The following PON3 variants were observed in gnomAD, a reference collection of about 807,000 sequenced individuals.
PON3 encodes the protein paraoxonase 3.
In PON3, 37 loss-of-function variants were observed where a neutral mutation model predicts 36.3. The ratio of observed to expected loss-of-function variants is 1.02; its 90% CI spans 0.78 to 1.34. The LOEUF is 1.34. Ranked by LOEUF, PON3 falls within the 40% of genes most tolerant of loss-of-function variation. PON3 has a pLI of 0.00. For missense variants in PON3, 415 were observed against 426.5 expected (o/e 0.97, Z 0.24); for synonymous variants, 155 against 154.8 (o/e 1.00, Z -0.01).
At chr7:95,371,299 T>G (rs1015861136) in intron 4 of PON3, among the ~76,000 whole-genome samples, 2 of 152,036 alleles carry the variant, frequency 1.3e-5, no homozygotes, top group Non-Finnish European at 2.9e-5. Flanking sequence ...TCAATTCTCT[T>G]GAGCATACAC....
At chr7:95,360,246 G>T in intron 8 of PON3, 115 bp from the exon 9 acceptor site, 1 of 993,776 alleles carries the variant, frequency 1.0e-6, no homozygotes, top group Non-Finnish European at 1.6e-6. Flanking sequence ...GCTAAAATCT[G>T]TATATCTTCA....
intron 3 of PON3, among the ~76,000 whole-genome samples, chr7:95,381,922 CT>C (rs1447717200): frequency 6.6e-6 from 1 of 152,194 alleles, no homozygotes; most frequent in East Asian, 1.9e-4. Context: ...CCACATTGCA[CT>C]TATTTCAAAA....
chr7:95,380,391 A>T (rs1809020114), intron 3 of PON3, among the ~76,000 whole-genome samples: 3 of 152,226 alleles, frequency 2.0e-5, no homozygotes, highest in African/African-American at 7.2e-5. Context: ...GTTTCAGACA[A>T]CCAAACTTCT....
At position 95,370,408 on chromosome 7, in the gene PON3, C is replaced by T. The variant is rs904415060; in HGVS notation, c.367+1765G>A. Among the ~76,000 whole-genome samples, 18 of 152,100 alleles carry T rather than the reference C, an allele frequency of 1.2e-4. 1 individual carries two copies. Among genetic ancestry groups the T allele is most frequent in the African/African-American group, 4.3e-4 (18 of 41,474 alleles). ...AAACAAAACATTATAATGAGTTGAT[C>T]AAAAGGGCCAGGGAGAGGAAGTGTC... On this transcript the variant is annotated intron_variant, in intron 4 of 8. Coordinates refer to ENST00000265627, the MANE Select transcript of PON3 (RefSeq NM_000940.3).
At position 95,365,290 on chromosome 7, in the gene PON3, T is replaced by C. The variant is rs546641180; in HGVS notation, c.495-1227A>G. ...TGATGTACTTCCCAGAGGGGCAGCC[T>C]AGCAGTGTCTCAGCTCATGCCTACT... On this transcript the variant is annotated intron_variant, in intron 5 of 8. Transcript: ENST00000265627. 5.3e-5 allele frequency: 8 copies of C among 152,376 alleles called. No individual in the cohort carries two copies. In the East Asian group the frequency reaches 1.5e-3, roughly 29 times the overall value. The allele number at this position is 152,376 out of a possible 1,614,324, so 9.4% of individuals were successfully genotyped here.
rs370795600 is a variant in PON3, at chr7:95,367,346, T to C, written c.494+16A>G. 1.9e-6 allele frequency: 3 copies of C among 1,610,362 alleles called. No homozygotes were observed. The highest frequency in any genetic ancestry group is 3.3e-4 in the Middle Eastern group (2 of 5,988). On this transcript the variant is annotated intron_variant, in intron 5 of 8. Coordinates refer to ENST00000265627, the MANE Select transcript of PON3 (RefSeq NM_000940.3). ...GTGCAAAGTAAATAGAACCGCACAA[T>C]ACTTTCATTCCATACCTTTTGAGAA...
intron 5 of PON3, 112 bp from the exon 6 acceptor site, chr7:95,364,175 G>T (rs1808641342): frequency 1.1e-6 from 1 of 873,194 alleles, no homozygotes; most frequent in African/African-American, 1.7e-5. Flanking sequence ...ATTTGAAAAA[G>T]GATACATGAA....
At chr7:95,394,319 A>C (rs1457570515) in intron 2 of PON3, among the ~76,000 whole-genome samples, 2 of 151,990 alleles carry the variant, frequency 1.3e-5, no homozygotes, top group African/African-American at 4.8e-5. Flanking sequence ...CAAAAAAAGG[A>C]AAGGTAACAG....
chr7:95,363,711 A>G (rs1808627310), intron 6 of PON3, 152 bp downstream of exon 6: 2 of 782,118 alleles, frequency 2.6e-6, no homozygotes, highest in Admixed American at 2.0e-5. Context: ...ATTGCTTAGG[A>G]TGACAGATTT....
intron 6 of PON3, 33 bp from the exon 7 acceptor site, chr7:95,362,874 G>T: frequency 2.0e-6 from 3 of 1,473,568 alleles, no homozygotes; most frequent in Non-Finnish European, 1.9e-6. Flanking sequence ...ACTTAAGCAA[G>T]TGGTAATGAG....
intron 1 of PON3, among the ~76,000 whole-genome samples, chr7:95,395,420 T>C (rs1185645047): frequency 6.6e-6 from 1 of 152,204 alleles, no homozygotes; most frequent in Non-Finnish European, 1.5e-5. Flanking sequence ...TTAGATCTAC[T>C]TTATTATTAT....
intron 3 of PON3, among the ~76,000 whole-genome samples, chr7:95,382,340 A>C (rs1562775328): frequency 6.6e-6 from 1 of 152,200 alleles, no homozygotes; most frequent in Non-Finnish European, 1.5e-5. Context: ...GAAGACAAGA[A>C]ATAACTAAGA....
chr7:95,369,137 T>C (rs1035508768), intron 4 of PON3, among the ~76,000 whole-genome samples: 4 of 152,218 alleles, frequency 2.6e-5, no homozygotes, highest in African/African-American at 9.6e-5. Flanking sequence ...TATCCATCTA[T>C]AAAGTTGAAT....
At chr7:95,387,590 C>T (rs1809225300) in intron 3 of PON3, among the ~76,000 whole-genome samples, 1 of 152,172 alleles carries the variant, frequency 6.6e-6, no homozygotes, top group Non-Finnish European at 1.5e-5. Flanking sequence ...TCATCCCCAT[C>T]AAGCTACCAA....
At chr7:95,388,280 G>T (rs1384809419) in intron 3 of PON3, among the ~76,000 whole-genome samples, 1 of 152,158 alleles carries the variant, frequency 6.6e-6, no homozygotes, top group Non-Finnish European at 1.5e-5. Flanking sequence ...AGTGGGCAAA[G>T]AATATGAAGA....
chr7:95,366,151 A>T (rs1315288504), intron 5 of PON3, among the ~76,000 whole-genome samples: 1 of 152,152 alleles, frequency 6.6e-6, no homozygotes, highest in African/African-American at 2.4e-5. Context: ...AAGTGGCCAA[A>T]TATCAGGTGT....
chr7:95,373,274 C>T (rs1014954998), intron 3 of PON3, among the ~76,000 whole-genome samples: 5 of 152,204 alleles, frequency 3.3e-5, no homozygotes, highest in Non-Finnish European at 5.9e-5. Context: ...CCTTTCTACA[C>T]ACACGTACAC....
In PON3 at chr7:95,362,378, T is replaced by A. The variant is rs1563612457; in HGVS notation, c.890A>T (p.Asp297Val). ...GGAACTTACTTCTGATCCTGGAGGGTCCTCAGGGTTATAGTTCAGTAGCTT... is the reference window on the plus strand; with the variant it reads ...GGAACTTACTTCTGATCCTGGAGGGACCTCAGGGTTATAGTTCAGTAGCTT... ...PMKLLNYNPEDPPGSEVLRIQ... is the reference protein window; with the variant it reads ...PMKLLNYNPEVPPGSEVLRIQ... The change falls in exon 8 of 9, where the codon GAC becomes GTC. Residue 297 changes from aspartate (D) to valine (V), a missense_variant. Asp to Val is a radical substitution (Grantham distance 152). Transcript: ENST00000265627. 2 of 1,613,714 alleles carry A rather than the reference T, an allele frequency of 1.2e-6. No homozygotes were observed. Among genetic ancestry groups the A allele is most frequent in the Admixed American group, 1.7e-5 (1 of 59,952 alleles).
intron 3 of PON3, among the ~76,000 whole-genome samples, chr7:95,379,789 C>T (rs994210134): frequency 5.9e-5 from 9 of 152,292 alleles, no homozygotes; most frequent in East Asian, 3.9e-4. Flanking sequence ...AGGGCATAGC[C>T]GAACAAAAGG....
Sources: gnomAD v4.1 joint callset for allele counts (sites outside exome capture counted in the v4.1 genomes callset) on GRCh38, gnomAD v4.1.1 for gene constraint, MANE v1.5 for transcripts, NCBI Gene and HGNC (gene_info 2026-07-23, HGNC 2026-07-21) for gene names.